Variants in SYK observed in about 807,000 individuals in gnomAD.
SYK encodes spleen associated tyrosine kinase, also known as tyrosine-protein kinase SYK.
A neutral mutation model predicts 77.8 loss-of-function variants in SYK; 16 were observed. The ratio of observed to expected loss-of-function variants is 0.21; its 90% CI spans 0.14 to 0.31. The LOEUF is 0.31. SYK is among the 10% of genes least tolerant of loss of function. SYK has a pLI of 1.00. For missense variants in SYK, 529 were observed against 814.4 expected, an observed-to-expected ratio of 0.65 and a Z score of 4.26; for synonymous variants, 312 against 308.7, an observed-to-expected ratio of 1.01 and a Z score of -0.11.
In SYK at chr9:90,884,941, GTA is replaced by G. The variant is rs1011460641; in HGVS notation, c.1582-2799_1582-2798del. Among the ~76,000 whole-genome samples, 11 of 47,188 alleles carry G rather than the reference GTA, an allele frequency of 2.3e-4. 1 individual carries two copies. Among genetic ancestry groups the G allele is most frequent in the African/African-American group, 9.0e-4 (10 of 11,118 alleles). 31.0% of individuals were successfully genotyped at this position (47,188 alleles called of 152,430 possible). Reference sequence around the variant, plus strand: ...CATATATATACATATGCACATATGTGTATATATATACACACATATATGTGTAT... The same window carrying G: ...CATATATATACATATGCACATATGTGTATATATACACACATATATGTGTAT... On this transcript the variant is annotated intron_variant, in intron 11 of 13. Transcript: ENST00000375754.
At chr9:90,830,924 C>T (rs541413197) in intron 1 of SYK, among the ~76,000 whole-genome samples, 88 of 152,272 alleles carry the variant, frequency 5.8e-4, no homozygotes, top group Non-Finnish European at 1.1e-3. Flanking sequence ...ATGAAGTTTC[C>T]TTTCACCCAA....
rs146271832 is a variant in SYK, at chr9:90,883,025, C to T, written c.1581+4072C>T. 1.6e-4 allele frequency among the ~76,000 whole-genome samples: 24 copies of T among 152,270 alleles called. No homozygotes were observed. In the East Asian group the frequency reaches 3.3e-3, roughly 21 times the overall value. On this transcript the variant is annotated intron_variant, in intron 11 of 13. Transcript: ENST00000375754. ...GGCATTGCTCCATAGAGGGAACTCA[C>T]GCTGAGTCCCACAGGCTTCCAAGCT...
At chr9:90,878,394 G>GGTGT (rs1828024545) in intron 10 of SYK, among the ~76,000 whole-genome samples, 1 of 152,176 alleles carries the variant, frequency 6.6e-6, no homozygotes, top group South Asian at 2.1e-4. Context: ...ATGGAAGGGA[G>GGTGT]GTGTTCTTAC....
chr9:90,836,139 T>A (rs889894252), intron 1 of SYK, among the ~76,000 whole-genome samples: 1 of 152,026 alleles, frequency 6.6e-6, no homozygotes, highest in African/African-American at 2.4e-5. Flanking sequence ...ATACAAAAGT[T>A]AGCCAGGCGT....
intron 1 of SYK, among the ~76,000 whole-genome samples, chr9:90,830,581 C>CT (rs57804863): frequency 0.016 from 1,788 of 111,558 alleles, 39 homozygotes; most frequent in African/African-American, 0.039. Flanking sequence ...ACTCATTCCT[C>CT]TTTTTTTTTT....
intron 3 of SYK, among the ~76,000 whole-genome samples, chr9:90,858,565 A>G (rs537434627): frequency 1.3e-5 from 2 of 152,256 alleles, no homozygotes; most frequent in Non-Finnish European, 2.9e-5. Context: ...GTAGAGCCAT[A>G]AGCCTGGGTG....
intron 1 of SYK, among the ~76,000 whole-genome samples, chr9:90,810,694 G>A (rs1361880680): frequency 1.3e-5 from 2 of 152,134 alleles, no homozygotes; most frequent in Non-Finnish European, 2.9e-5. Context: ...ACACAATTAA[G>A]CACATTAAAA....
At chr9:90,886,770 A>G (rs1367805070) in intron 11 of SYK, among the ~76,000 whole-genome samples, 1 of 152,230 alleles carries the variant, frequency 6.6e-6, no homozygotes, top group Non-Finnish European at 1.5e-5. Flanking sequence ...CAGCAAGTCT[A>G]CTATTGGGTA....
chr9:90,806,146 G>C (rs1161244360), intron 1 of SYK, among the ~76,000 whole-genome samples: 1 of 152,018 alleles, frequency 6.6e-6, no homozygotes, highest in Non-Finnish European at 1.5e-5. Context: ...CTTTGTTTTT[G>C]TGTTTTCTTA....
chr9:90,842,215 A>G (rs1048676233), intron 1 of SYK, among the ~76,000 whole-genome samples: 4 of 140,756 alleles, frequency 2.8e-5, no homozygotes, highest in African/African-American at 1.1e-4. Context: ...TGTGTGTGTG[A>G]TGTGCATAGT....
At chr9:90,831,761 A>C (rs1271812312) in intron 1 of SYK, among the ~76,000 whole-genome samples, 8 of 152,138 alleles carry the variant, frequency 5.3e-5, no homozygotes, top group Non-Finnish European at 8.8e-5. Flanking sequence ...ACAAGGTGAC[A>C]CTCTGCTTTC....
chr9:90,880,639 G>A (rs1312671579), intron 11 of SYK, among the ~76,000 whole-genome samples: 7 of 152,166 alleles, frequency 4.6e-5, no homozygotes, highest in Non-Finnish European at 1.0e-4. Context: ...CATGAATGCT[G>A]GGCACCTTAT....
chr9:90,873,512 T>C (rs1827812127), intron 7 of SYK, among the ~76,000 whole-genome samples: 1 of 152,070 alleles, frequency 6.6e-6, no homozygotes, highest in East Asian at 1.9e-4. Flanking sequence ...AGTTGTTTCA[T>C]GATATAAACT....
In SYK at chr9:90,844,241, C is replaced by A. The variant is rs2118637452; in HGVS notation, c.343C>A (p.Pro115Thr). The A allele has an allele frequency of 6.2e-7, 1 of 1,614,148 alleles. No individual in the cohort carries two copies. The highest frequency in any genetic ancestry group is 8.5e-7 in the Non-Finnish European group (1 of 1,179,996). ...CTTCAACCGGCCCCAAGGGGTGCAGCCCAAGACTGGGCCCTTTGAGGATTT... is the reference window on the plus strand; with the variant it reads ...CTTCAACCGGCCCCAAGGGGTGCAGACCAAGACTGGGCCCTTTGAGGATTT... ...KPFNRPQGVQ[P>T]KTGPFEDLKE... is the part of the protein sequence containing the mutation. Residue 115 changes from proline to threonine, a missense_variant, in exon 2 of 14, where the codon CCC (proline) becomes ACC (threonine). Coordinates refer to ENST00000375754, the MANE Select transcript of SYK (RefSeq NM_003177.7).
intron 1 of SYK, among the ~76,000 whole-genome samples, chr9:90,819,390 A>G (rs1028756043): frequency 6.6e-6 from 1 of 152,148 alleles, no homozygotes; most frequent in Non-Finnish European, 1.5e-5. Flanking sequence ...TCATTTTCCC[A>G]CTGCTGATAA....
chr9:90,870,951 A>G (rs1231918380), intron 7 of SYK, among the ~76,000 whole-genome samples: 1 of 152,108 alleles, frequency 6.6e-6, no homozygotes, highest in East Asian at 1.9e-4. Flanking sequence ...GAATCAGGAA[A>G]CTCTGAATGG....
intron 1 of SYK, among the ~76,000 whole-genome samples, chr9:90,816,224 G>T (rs1015668151): frequency 6.6e-6 from 1 of 152,148 alleles, no homozygotes; most frequent in Non-Finnish European, 1.5e-5. Context: ...GCAGTTTTAG[G>T]ACACATCTAG....
chr9:90,824,400 C>T (rs1185097855), intron 1 of SYK, among the ~76,000 whole-genome samples: 3 of 152,128 alleles, frequency 2.0e-5, no homozygotes, highest in Non-Finnish European at 4.4e-5. Context: ...TCAGATTTCA[C>T]GTAATACCAA....
intron 13 of SYK, among the ~76,000 whole-genome samples, chr9:90,889,324 C>A (rs1828700036): frequency 1.3e-5 from 2 of 152,250 alleles, no homozygotes; most frequent in Admixed American, 6.5e-5. Flanking sequence ...CCCAAGCCGC[C>A]ATCTCCAGTT....
Sources: gnomAD v4.1 joint callset for allele counts (sites outside exome capture counted in the v4.1 genomes callset) on GRCh38, gnomAD v4.1.1 for gene constraint, MANE v1.5 for transcripts, NCBI Gene and HGNC (gene_info 2026-07-23, HGNC 2026-07-21) for gene names.